Variants in CHST9 observed in about 807,000 individuals in gnomAD.
CHST9 encodes carbohydrate sulfotransferase 9.
Under a neutral mutation model 44.4 loss-of-function variants are expected in CHST9, and 41 were observed. The observed-to-expected ratio is 0.92, with a 90% CI of 0.72 to 1.20. The LOEUF (loss-of-function observed/expected upper bound fraction) is 1.20. CHST9 is among the 50% of genes most tolerant of loss of function. The pLI is 0.00. For missense variants in CHST9, 504 were observed against 516.5 expected (o/e 0.98, Z 0.23); for synonymous variants, 171 against 178.4 (o/e 0.96, Z 0.33).
chr18:27,145,093 A>G (rs1211613911), intron 1 of CHST9, among the ~76,000 whole-genome samples: 1 of 152,238 alleles, frequency 6.6e-6, no homozygotes, highest in Non-Finnish European at 1.5e-5. Flanking sequence ...TGATTTCTTG[A>G]TTAGAAAAAA....
intron 2 of CHST9, among the ~76,000 whole-genome samples, chr18:27,107,787 C>T (rs2058234648): frequency 6.6e-6 from 1 of 152,126 alleles, no homozygotes; most frequent in Non-Finnish European, 1.5e-5. Flanking sequence ...ATACCTATCT[C>T]CAGAACTTTA....
At chr18:27,166,071 C>T (rs1003875340) in intron 1 of CHST9, among the ~76,000 whole-genome samples, 3 of 152,132 alleles carry the variant, frequency 2.0e-5, no homozygotes, top group African/African-American at 7.2e-5. Flanking sequence ...CAAACTCATC[C>T]CTTTCTCTTT....
At chr18:27,016,119 C>T (rs2057151078) in intron 4 of CHST9, among the ~76,000 whole-genome samples, 2 of 152,200 alleles carry the variant, frequency 1.3e-5, no homozygotes, top group South Asian at 2.1e-4. Context: ...TTTGGGCACT[C>T]TAAACAAAAG....
At chr18:27,002,057 A>AT (rs1342959354) in intron 4 of CHST9, among the ~76,000 whole-genome samples, 2 of 151,960 alleles carry the variant, frequency 1.3e-5, no homozygotes, top group African/African-American at 4.8e-5. Context: ...AAAAAAAAAA[A>AT]GGCACATCCT....
At chr18:27,008,121 T>A (rs2057039388) in intron 4 of CHST9, among the ~76,000 whole-genome samples, 1 of 152,068 alleles carries the variant, frequency 6.6e-6, no homozygotes. Flanking sequence ...GTGGGTCCAC[T>A]CCTCCCTTGT....
chr18:27,040,223 G>A (rs2057430540), intron 3 of CHST9, among the ~76,000 whole-genome samples: 1 of 152,102 alleles, frequency 6.6e-6, no homozygotes. Flanking sequence ...ATTTTTATTG[G>A]ATATTGCTAA....
At chr18:27,040,194 T>C (rs1414352976) in intron 3 of CHST9, among the ~76,000 whole-genome samples, 1 of 152,188 alleles carries the variant, frequency 6.6e-6, no homozygotes, top group African/African-American at 2.4e-5. Context: ...ATGTAATTTA[T>C]ATATATGGCT....
At chr18:26,943,112 AAAAG>A (rs989165406) in intron 5 of CHST9, among the ~76,000 whole-genome samples, 1 of 152,220 alleles carries the variant, frequency 6.6e-6, no homozygotes, top group Non-Finnish European at 1.5e-5. Flanking sequence ...GTCTAAAAAA[AAAAG>A]AAAGAAACTA....
chr18:26,964,069 C>A (rs895711973), intron 4 of CHST9, among the ~76,000 whole-genome samples: 7 of 152,082 alleles, frequency 4.6e-5, no homozygotes, highest in African/African-American at 1.2e-4. Context: ...TAAAGGAAAA[C>A]CACAGACATT....
In CHST9 at chr18:27,026,294, C is replaced by T. The variant is rs555261396; in HGVS notation, c.161-2137G>A. On this transcript the variant is annotated intron_variant, in intron 3 of 5. Coordinates refer to ENST00000618847, the MANE Select transcript of CHST9 (RefSeq NM_031422.6). ...GGAAGTATACTAGTTAGATAAATGC[C>T]GTTCTCCCCCACTATAGTAAACTTA... Among the ~76,000 whole-genome samples the T allele has an allele frequency of 2.6e-5, 4 of 152,176 alleles. No homozygotes were observed. In the East Asian group the frequency reaches 5.8e-4, roughly 22 times the overall value.
intron 2 of CHST9, among the ~76,000 whole-genome samples, chr18:27,092,401 G>C (rs1332436254): frequency 2.6e-5 from 4 of 151,518 alleles, no homozygotes; most frequent in Non-Finnish European, 5.9e-5. Flanking sequence ...CCAGCTCCTG[G>C]ATTCATTGTT....
intron 2 of CHST9, among the ~76,000 whole-genome samples, chr18:27,095,298 T>G (rs1424421279): frequency 6.6e-6 from 1 of 152,162 alleles, no homozygotes; most frequent in Non-Finnish European, 1.5e-5. Context: ...AATAGAATAA[T>G]CTTTTAATGA....
chr18:27,014,453 C>CAAAAAAAAAAAAA lies in CHST9; in HGVS notation c.202+9650_202+9662dup, dbSNP rs57437876. Among the ~76,000 whole-genome samples, 13 of 39,440 alleles carry CAAAAAAAAAAAAA rather than the reference C, an allele frequency of 3.3e-4. 1 individual carries two copies. Among genetic ancestry groups the CAAAAAAAAAAAAA allele is most frequent in the Admixed American group, 4.2e-4 (1 of 2,378 alleles). 25.9% of individuals were successfully genotyped at this position (39,440 alleles called of 152,430 possible). On this transcript the variant is annotated intron_variant, in intron 4 of 5. Transcript: ENST00000618847. The stretch of plus-strand genomic sequence containing the variant: ...TGGGCGACAGAGCGAGACTCTGTCT[C>CAAAAAAAAAAAAA]AAAAAAAAAAAAAAAAAAAAAAAAA...
At chr18:26,962,293 C>CTTTTT (rs71171604) in intron 4 of CHST9, among the ~76,000 whole-genome samples, 1 of 140,748 alleles carries the variant, frequency 7.1e-6, no homozygotes, top group African/African-American at 2.6e-5. Flanking sequence ...TTATAGTCTC[C>CTTTTT]TTTTTTTTTT....
chr18:27,038,064 T>G (rs761505937), intron 3 of CHST9, among the ~76,000 whole-genome samples: 8 of 152,312 alleles, frequency 5.3e-5, no homozygotes, highest in Non-Finnish European at 1.0e-4. Flanking sequence ...AAGTGTTATT[T>G]AAAGACTTCT....
intron 2 of CHST9, among the ~76,000 whole-genome samples, chr18:27,073,261 C>T (rs1312551512): frequency 6.6e-6 from 1 of 152,042 alleles, no homozygotes; most frequent in Non-Finnish European, 1.5e-5. Flanking sequence ...GACTGCTTAA[C>T]CTAATGTAGT....
At chr18:26,936,222 A>T (rs1004007205) in intron 5 of CHST9, 3 of 152,204 alleles carry the variant, frequency 2.0e-5, no homozygotes, top group African/African-American at 7.2e-5. Context: ...CTTTTATGTT[A>T]CCAAGCAACT....
At chr18:27,089,679 A>G (rs2058048408) in intron 2 of CHST9, among the ~76,000 whole-genome samples, 1 of 152,180 alleles carries the variant, frequency 6.6e-6, no homozygotes, top group Admixed American at 6.5e-5. Flanking sequence ...GTCAAATGGT[A>G]ATTCTAGACC....
At chr18:27,097,056 C>T (rs903996662) in intron 2 of CHST9, among the ~76,000 whole-genome samples, 1 of 152,040 alleles carries the variant, frequency 6.6e-6, no homozygotes, top group Non-Finnish European at 1.5e-5. Context: ...AATTCAACAG[C>T]ACATCAAAAA....
Sources: gnomAD v4.1 joint callset for allele counts (sites outside exome capture counted in the v4.1 genomes callset) on GRCh38, gnomAD v4.1.1 for gene constraint, MANE v1.5 for transcripts, NCBI Gene and HGNC (gene_info 2026-07-23, HGNC 2026-07-21) for gene names.